The following MRPS28 variants were observed in gnomAD, a reference collection of about 807,000 sequenced individuals.
The protein encoded by MRPS28 is small ribosomal subunit protein bS1m.
MRPS28 carries 7 observed loss-of-function variants against 10.8 expected under a neutral mutation model. That is an observed-to-expected ratio of 0.65 (90% confidence interval 0.37 to 1.22). The LOEUF is 1.22. Among genes scored for constraint, MRPS28 ranks in the 50% most tolerant of loss-of-function variants. The pLI is 0.02. For synonymous variants in MRPS28, 121 were observed against 93.3 expected (o/e 1.30, Z -1.71); for missense variants, 265 against 232.9 (o/e 1.14, Z -0.90).
chr8:79,986,880 C>G (rs995104004), intron 2 of MRPS28, among the ~76,000 whole-genome samples: 4 of 152,090 alleles, frequency 2.6e-5, no homozygotes, highest in African/African-American at 9.7e-5. Flanking sequence ...AATGCCATCC[C>G]CATCAAGCTA....
intron 2 of MRPS28, among the ~76,000 whole-genome samples, chr8:79,975,036 G>A (rs1807756367): frequency 6.6e-6 from 1 of 152,146 alleles, no homozygotes; most frequent in African/African-American, 2.4e-5. Flanking sequence ...TATAATCCCA[G>A]CACTTTGGGA....
intron 2 of MRPS28, among the ~76,000 whole-genome samples, chr8:79,929,077 C>T (rs1277221002): frequency 6.6e-6 from 1 of 151,774 alleles, no homozygotes; most frequent in East Asian, 1.9e-4. Context: ...CAAAACAAAA[C>T]AAAAAAACAC....
intron 2 of MRPS28, among the ~76,000 whole-genome samples, chr8:79,959,843 G>C (rs1012908794): frequency 4.6e-5 from 7 of 152,084 alleles, no homozygotes; most frequent in Non-Finnish European, 1.0e-4. Flanking sequence ...CTTTATTTCA[G>C]AGGCTCATAA....
intron 2 of MRPS28, among the ~76,000 whole-genome samples, chr8:79,978,688 C>A (rs6991782): frequency 0.59 from 89,451 of 152,064 alleles, 28,732 homozygotes; most frequent in East Asian, 0.78. Flanking sequence ...CCACTCTTCA[C>A]TCCACCCCCA....
chr8:79,999,911 G>A (rs1379101896), intron 2 of MRPS28, among the ~76,000 whole-genome samples: 1 of 151,966 alleles, frequency 6.6e-6, no homozygotes, highest in Non-Finnish European at 1.5e-5. Context: ...TACAGAACTA[G>A]AACTAGAAGT....
intron 2 of MRPS28, among the ~76,000 whole-genome samples, chr8:79,974,663 A>T (rs933614787): frequency 1.7e-4 from 26 of 152,254 alleles, no homozygotes; most frequent in Middle Eastern, 3.4e-3. Flanking sequence ...TCATATTTTT[A>T]AAAAAAGCTG....
At chr8:79,997,586 C>T (rs1245566933) in intron 2 of MRPS28, among the ~76,000 whole-genome samples, 1 of 151,802 alleles carries the variant, frequency 6.6e-6, no homozygotes, top group Non-Finnish European at 1.5e-5. Context: ...AAACTCTCTC[C>T]TTTCTGATTC....
chr8:79,928,606 A>G (rs922309840), intron 2 of MRPS28, among the ~76,000 whole-genome samples: 5 of 151,734 alleles, frequency 3.3e-5, no homozygotes, highest in African/African-American at 1.2e-4. Flanking sequence ...CACCTGGCTA[A>G]TTTTTTGTAT....
chr8:79,982,883 G>A (rs1808010017), intron 2 of MRPS28, among the ~76,000 whole-genome samples: 1 of 151,270 alleles, frequency 6.6e-6, no homozygotes, highest in African/African-American at 2.4e-5. Context: ...AGACTTAAAT[G>A]TCCCTGTCTG....
chr8:80,007,922 C>T (rs1221525200), intron 1 of MRPS28, among the ~76,000 whole-genome samples: 3 of 152,138 alleles, frequency 2.0e-5, no homozygotes, highest in Non-Finnish European at 4.4e-5. Flanking sequence ...GAAAAAACTA[C>T]TTTCAAGTTC....
At chr8:79,981,567 A>C (rs1319787786) in intron 2 of MRPS28, among the ~76,000 whole-genome samples, 1 of 152,198 alleles carries the variant, frequency 6.6e-6, no homozygotes, top group Non-Finnish European at 1.5e-5. Flanking sequence ...GTAAAATAAA[A>C]ACTGAAACAG....
chr8:79,940,680 C>T (rs1482522245), intron 2 of MRPS28, among the ~76,000 whole-genome samples: 1 of 152,162 alleles, frequency 6.6e-6, no homozygotes, highest in East Asian at 1.9e-4. Flanking sequence ...ATTTAAACTA[C>T]TTTTTTCAAA....
intron 2 of MRPS28, among the ~76,000 whole-genome samples, chr8:79,985,732 G>A (rs1044280003): frequency 1.3e-5 from 2 of 152,180 alleles, no homozygotes; most frequent in African/African-American, 4.8e-5. Context: ...CCAGGAAGAA[G>A]TTGACTCTCT....
rs1586091944 is a variant in MRPS28, at chr8:80,006,411, A to G, written c.214-3231T>C. On this transcript the variant is annotated intron_variant, in intron 1 of 2. Transcript: ENST00000276585. ...TACATAACAAAATGAACGCAGAAAT[A>G]ACTAAGATCAGAGCAGAACTGAAGG... Among the ~76,000 whole-genome samples, 4 of 152,346 alleles carry G rather than the reference A, an allele frequency of 2.6e-5. No individual in the cohort carries two copies. In the South Asian group the frequency reaches 6.2e-4, roughly 24 times the overall value.
chr8:79,997,626 A>C (rs1418152694), intron 2 of MRPS28, among the ~76,000 whole-genome samples: 2 of 152,024 alleles, frequency 1.3e-5, no homozygotes, highest in Non-Finnish European at 2.9e-5. Flanking sequence ...AAAAAAAAAA[A>C]CCAAAGTTTT....
At chr8:79,978,540 G>A (rs1255846711) in intron 2 of MRPS28, among the ~76,000 whole-genome samples, 1 of 152,090 alleles carries the variant, frequency 6.6e-6, no homozygotes, top group African/African-American at 2.4e-5. Context: ...CAGTTTCCTT[G>A]TCTAAAAACT....
At chr8:80,012,121 C>A (rs998677778) in intron 1 of MRPS28, among the ~76,000 whole-genome samples, 2 of 57,492 alleles carry the variant, frequency 3.5e-5, no homozygotes, top group Non-Finnish European at 5.6e-5. Flanking sequence ...TAGAACATTT[C>A]TCCTCCATTT....
At chr8:79,938,229 T>G (rs200180651) in intron 2 of MRPS28, among the ~76,000 whole-genome samples, 8 of 149,726 alleles carry the variant, frequency 5.3e-5, no homozygotes, top group South Asian at 2.1e-4. Context: ...AAGACATAGG[T>G]GGGGGGGGGC....
chr8:80,019,553 T>C (rs972742141), intron 1 of MRPS28, among the ~76,000 whole-genome samples: 1 of 151,978 alleles, frequency 6.6e-6, no homozygotes, highest in South Asian at 2.1e-4. Context: ...CTTGAAACTT[T>C]TCCTACTAAG....
Sources: gnomAD v4.1 joint callset for allele counts (sites outside exome capture counted in the v4.1 genomes callset) on GRCh38, gnomAD v4.1.1 for gene constraint, MANE v1.5 for transcripts, NCBI Gene and HGNC (gene_info 2026-07-23, HGNC 2026-07-21) for gene names.